The following EYS variants were observed in gnomAD, a reference collection of about 807,000 sequenced individuals.
The protein encoded by EYS is EGF-like photoreceptor maintenance factor.
In EYS, 250 loss-of-function variants were observed where a neutral mutation model predicts 282.1. The ratio of observed to expected loss-of-function variants is 0.89; its 90% CI spans 0.80 to 0.98. The LOEUF (loss-of-function observed/expected upper bound fraction) is 0.98, where lower values mean the gene tolerates loss of function less well. Ranked by LOEUF, EYS falls within the 50% of genes least tolerant of loss-of-function variation. The pLI is 0.00. For synonymous variants in EYS, 1,355 were observed against 1,282.9 expected, an observed-to-expected ratio of 1.06 and a Z score of -1.20; for missense variants, 4,016 against 3,709.0, an observed-to-expected ratio of 1.08 and a Z score of -2.15.
At chr6:64,830,982 T>C (rs1689030633) in intron 19 of EYS, among the ~76,000 whole-genome samples, 1 of 151,984 alleles carries the variant, frequency 6.6e-6, no homozygotes, top group African/African-American at 2.4e-5. Flanking sequence ...CGACTCAGTA[T>C]GGGTCAACTA....
chr6:64,875,837 C>T (rs1041842316), intron 19 of EYS, among the ~76,000 whole-genome samples: 1 of 151,678 alleles, frequency 6.6e-6, no homozygotes, highest in Non-Finnish European at 1.5e-5. Context: ...ATGTGATGCC[C>T]TAGAAAACTA....
intron 12 of EYS, among the ~76,000 whole-genome samples, chr6:65,261,585 A>T (rs1767621531): frequency 6.6e-6 from 1 of 152,068 alleles, no homozygotes. Flanking sequence ...ATAATATAAA[A>T]CAGATAAAGC....
chr6:64,173,784 T>A (rs182180877), intron 31 of EYS, among the ~76,000 whole-genome samples: 155 of 152,270 alleles, frequency 1.0e-3, no homozygotes, highest in African/African-American at 3.6e-3. Flanking sequence ...AGTGGTAAAA[T>A]CTTTATGTAG....
At chr6:64,043,664 A>G (rs1468473080) in intron 33 of EYS, among the ~76,000 whole-genome samples, 3 of 152,216 alleles carry the variant, frequency 2.0e-5, no homozygotes, top group African/African-American at 4.8e-5. Flanking sequence ...TTGAGGGTAC[A>G]GAGAAGAAGA....
At chr6:63,892,360 T>C (rs1007844759) in intron 35 of EYS, among the ~76,000 whole-genome samples, 11 of 152,180 alleles carry the variant, frequency 7.2e-5, no homozygotes, top group African/African-American at 2.4e-4. Flanking sequence ...CAAAACAGCA[T>C]GGTACTGGTA....
chr6:65,079,905 C>G (rs1479986020), intron 12 of EYS, among the ~76,000 whole-genome samples: 4 of 152,000 alleles, frequency 2.6e-5, no homozygotes, highest in South Asian at 2.1e-4. Flanking sequence ...GCTTGAAAGA[C>G]AGAAGTGGGA....
intron 24 of EYS, among the ~76,000 whole-genome samples, chr6:64,596,070 A>C (rs1766575958): frequency 6.6e-6 from 1 of 152,032 alleles, no homozygotes. Flanking sequence ...ACAAAGAGAG[A>C]GAGAGCCAGG....
intron 14 of EYS, among the ~76,000 whole-genome samples, chr6:64,981,191 T>C (rs1179583710): frequency 6.6e-6 from 1 of 151,356 alleles, no homozygotes; most frequent in Non-Finnish European, 1.5e-5. Context: ...ATAATAAACA[T>C]TCCTGGCTTT....
chr6:65,624,210 T>C (rs1441754366), intron 2 of EYS, among the ~76,000 whole-genome samples: 2 of 152,230 alleles, frequency 1.3e-5, no homozygotes, highest in Non-Finnish European at 2.9e-5. Context: ...GTTCCCCTGA[T>C]AGATATCAGT....
At chr6:65,557,608 T>G (rs925914425) in intron 2 of EYS, among the ~76,000 whole-genome samples, 1 of 152,154 alleles carries the variant, frequency 6.6e-6, no homozygotes, top group African/African-American at 2.4e-5. Context: ...CTCCCAGAAC[T>G]GCCACTCTTT....
chr6:65,175,237 G>T (rs1180205576), intron 12 of EYS, among the ~76,000 whole-genome samples: 4 of 151,302 alleles, frequency 2.6e-5, no homozygotes, highest in African/African-American at 9.7e-5. Flanking sequence ...TGGATCTACT[G>T]AGTTTGAAGC....
chr6:64,025,826 C>T (rs933395091), intron 33 of EYS, among the ~76,000 whole-genome samples: 1 of 152,168 alleles, frequency 6.6e-6, no homozygotes, highest in Non-Finnish European at 1.5e-5. Flanking sequence ...GTATGGCCCT[C>T]CACTTCATTT....
intron 7 of EYS, among the ~76,000 whole-genome samples, chr6:65,391,384 C>T (rs868208939): frequency 1.3e-3 from 194 of 152,158 alleles, no homozygotes; most frequent in African/African-American, 4.3e-3. Flanking sequence ...AAACTTTTCC[C>T]TATGTTAAAT....
intron 30 of EYS, among the ~76,000 whole-genome samples, chr6:64,261,778 G>A (rs943704410): frequency 1.6e-5 from 2 of 128,372 alleles, no homozygotes; most frequent in Non-Finnish European, 1.6e-5. Flanking sequence ...CCTAATATTA[G>A]GTTATTTTGT....
At chr6:65,285,923 A>T (rs1028712138) in intron 12 of EYS, among the ~76,000 whole-genome samples, 1 of 151,882 alleles carries the variant, frequency 6.6e-6, no homozygotes, top group African/African-American at 2.4e-5. Flanking sequence ...GAGGGTGACC[A>T]AATTGGTAGT....
chr6:65,141,623 G>GAGTC lies in EYS; in HGVS notation c.2024-83900_2024-83897dup, dbSNP rs758064678. Among the ~76,000 whole-genome samples, 1,012 of 144,592 alleles carry GAGTC rather than the reference G, an allele frequency of 7.0e-3. 4 individuals carry two copies. The highest frequency in any genetic ancestry group is 0.016 in the African/African-American group (634 of 38,916). The allele number at this position is 144,592 out of a possible 152,430, so 94.9% of individuals were successfully genotyped here. A position where few individuals can be genotyped will look rare whatever the true frequency, so the allele number is the denominator to read the frequency against. Reference sequence around the variant, plus strand: ...CACATCTATTCAAACTGAAGTCAGTGAGTCAGTCTGTCTGTCTGTCTGTCT... The same window carrying GAGTC: ...CACATCTATTCAAACTGAAGTCAGTGAGTCAGTCAGTCTGTCTGTCTGTCTGTCT... On this transcript the variant is annotated intron_variant, in intron 12 of 42. Transcript: ENST00000503581.
At chr6:65,034,240 G>A (rs1057309492) in intron 13 of EYS, among the ~76,000 whole-genome samples, 6 of 152,120 alleles carry the variant, frequency 3.9e-5, no homozygotes, top group African/African-American at 1.4e-4. Context: ...CATGTAGAAG[G>A]GACTTCCCTT....
chr6:64,818,202 G>T (rs892160581), intron 21 of EYS, among the ~76,000 whole-genome samples: 1 of 152,038 alleles, frequency 6.6e-6, no homozygotes. Context: ...TTTCTATGCT[G>T]CCCTACTCAC....
intron 2 of EYS, among the ~76,000 whole-genome samples, chr6:65,517,347 A>AAATAAAT (rs1554205544): frequency 1.3e-5 from 2 of 151,520 alleles, no homozygotes; most frequent in African/African-American, 2.4e-5. Context: ...ACAACAAAAA[A>AAATAAAT]AAAACAAAAG....
Sources: allele counts gnomAD v4.1 joint callset (sites outside exome capture counted in the v4.1 genomes callset), GRCh38; gene constraint gnomAD v4.1.1; transcripts MANE v1.5; gene names NCBI Gene and HGNC (gene_info 2026-07-23, HGNC 2026-07-21).